The following HIPK2 variants were observed in gnomAD, a reference collection of about 807,000 sequenced individuals.
HIPK2 encodes homeodomain interacting protein kinase 2.
A neutral mutation model predicts 113.7 loss-of-function variants in HIPK2; 27 were observed. The ratio of observed to expected loss-of-function variants is 0.24; its 90% CI spans 0.17 to 0.33. The LOEUF is 0.33. Among genes scored for constraint, HIPK2 ranks in the 10% least tolerant of loss-of-function variants. The pLI is 1.00. For missense variants in HIPK2, 1,257 were observed against 1,588.0 expected, an observed-to-expected ratio of 0.79 and a Z score of 3.54; for synonymous variants, 631 against 642.2, an observed-to-expected ratio of 0.98 and a Z score of 0.26.
At chr7:139,614,584 A>G in intron 7 of HIPK2, 91 bp from the exon 8 acceptor site, 1 of 873,734 alleles carries the variant, frequency 1.1e-6, no homozygotes, top group Non-Finnish European at 1.6e-6. Flanking sequence ...AATCAAATAA[A>G]TGAACTCAAA....
At chr7:139,751,927 G>A (rs370986718) in intron 1 of HIPK2, among the ~76,000 whole-genome samples, 1 of 152,096 alleles carries the variant, frequency 6.6e-6, no homozygotes, top group South Asian at 2.1e-4. Flanking sequence ...ACAGAAGGAA[G>A]GAAGGATGGG....
intron 9 of HIPK2, among the ~76,000 whole-genome samples, chr7:139,607,231 C>T (rs1006395223): frequency 1.1e-4 from 16 of 151,472 alleles, no homozygotes; most frequent in Middle Eastern, 3.4e-3. Flanking sequence ...ATAAGAAAAT[C>T]GGAAGATCAA....
intron 13 of HIPK2, among the ~76,000 whole-genome samples, chr7:139,579,239 G>A (rs1458670662): frequency 1.3e-5 from 2 of 152,162 alleles, no homozygotes; most frequent in Non-Finnish European, 2.9e-5. Flanking sequence ...TGTTTCATAT[G>A]AAGGGAGAGG....
Position 139,716,615 on chromosome 7 carries a change from G to A in HIPK2, c.420C>T (p.Asn140=). The A allele has an allele frequency of 6.2e-7, 1 of 1,614,014 alleles. No homozygotes were observed. The highest frequency in any genetic ancestry group is 2.2e-5 in the East Asian group (1 of 44,886). The change falls in exon 2 of 15, where the codon AAC becomes AAT. Residue 140 remains asparagine (N), a synonymous_variant. Coordinates refer to ENST00000406875, the MANE Select transcript of HIPK2 (RefSeq NM_022740.5). This position sits in a 1 kb window ranked among gnomAD's most constrained non-coding sequence, Gnocchi z 9.3. The part of the protein sequence containing the change: ...GLKRKSEEIE[N]TSSVQIIEEH... ...CCTCGATGATCTGCACGCTGCTTGT[G>A]TTCTCGATCTCCTCGCTCTTACGCT...
chr7:139,581,321 G>A lies in HIPK2; in HGVS notation c.2965+2496C>T, dbSNP rs1025091013. Among the ~76,000 whole-genome samples, 6 of 152,312 alleles carry A rather than the reference G, an allele frequency of 3.9e-5. No individual in the cohort carries two copies. The East Asian group carries it at 7.7e-4, about 20-fold the overall frequency. ...GCCTGGGAGCTGCTGTCGGTGAGTC[G>A]GGTGAAGGCAGCTTCAGAGAGCAGG... is the stretch of plus-strand genomic sequence containing the variant. On this transcript the variant is annotated intron_variant, in intron 13 of 14. Transcript: ENST00000406875.
At chr7:139,601,650 G>A (rs535284016) in intron 10 of HIPK2, among the ~76,000 whole-genome samples, 3 of 152,270 alleles carry the variant, frequency 2.0e-5, no homozygotes, top group Non-Finnish European at 2.9e-5. Flanking sequence ...TCCTAAAAAC[G>A]GGTTATGTTT....
At chr7:139,640,444 C>A (rs1044644614) in intron 2 of HIPK2, among the ~76,000 whole-genome samples, 1 of 152,162 alleles carries the variant, frequency 6.6e-6, no homozygotes, top group Non-Finnish European at 1.5e-5. Context: ...CCAGTGTTCA[C>A]CGGGTTGAAT....
intron 1 of HIPK2, among the ~76,000 whole-genome samples, chr7:139,770,422 T>C (rs1796629388): frequency 6.6e-6 from 1 of 152,230 alleles, no homozygotes; most frequent in South Asian, 2.1e-4. Flanking sequence ...TAGAGCTGGC[T>C]TCTTATCATA....
chr7:139,715,615 C>T (rs1795205500), intron 2 of HIPK2, among the ~76,000 whole-genome samples: 1 of 152,200 alleles, frequency 6.6e-6, no homozygotes, highest in South Asian at 2.1e-4. Flanking sequence ...GTGGATGGCA[C>T]ATCCCTCTCT....
chr7:139,773,073 C>T (rs1340496263), intron 1 of HIPK2, among the ~76,000 whole-genome samples: 4 of 152,078 alleles, frequency 2.6e-5, no homozygotes, highest in Non-Finnish European at 5.9e-5. Context: ...TTCGACAAAC[C>T]CAGAACCTGC....
chr7:139,627,323 TATGTATGTATGTATGC>T (rs1029883781), intron 5 of HIPK2, among the ~76,000 whole-genome samples: 10 of 151,786 alleles, frequency 6.6e-5, no homozygotes, highest in Admixed American at 2.0e-4. Flanking sequence ...TGTATGTATG[TATGTATGTATGTATGC>T]ATGTATTTAA....
At chr7:139,703,879 A>AC (rs1585397439) in intron 2 of HIPK2, among the ~76,000 whole-genome samples, 1,279 of 116,922 alleles carry the variant, frequency 0.011, 84 homozygotes, top group African/African-American at 0.04. Context: ...CAACACCACC[A>AC]CACACACACA....
At chr7:139,754,044 A>G (rs1430859867) in intron 1 of HIPK2, among the ~76,000 whole-genome samples, 1 of 152,234 alleles carries the variant, frequency 6.6e-6, no homozygotes, top group Non-Finnish European at 1.5e-5. Flanking sequence ...GAGCCAGTGC[A>G]CAACACAAAG....
At chr7:139,708,438 C>T (rs1794970293) in intron 2 of HIPK2, among the ~76,000 whole-genome samples, 1 of 152,158 alleles carries the variant, frequency 6.6e-6, no homozygotes, top group African/African-American at 2.4e-5. Context: ...CCCCCACCCC[C>T]AGAGGGCCTG....
intron 2 of HIPK2, among the ~76,000 whole-genome samples, chr7:139,677,577 TA>T (rs762918202): frequency 1.2e-4 from 18 of 152,122 alleles, no homozygotes; most frequent in Non-Finnish European, 2.5e-4. Flanking sequence ...ACTTTTCTAT[TA>T]TTTTTTTTAA....
rs1003107707 is a variant in HIPK2, at chr7:139,678,122, C to A, written c.1103+37810G>T. On this transcript the variant is annotated intron_variant, in intron 2 of 14. Transcript: ENST00000406875. ...TTCTTTGTAGATTCTGGATATTAGC[C>A]CTTTGTCAGATGGATAGATTGCAAA... 1.3e-4 allele frequency among the ~76,000 whole-genome samples: 20 copies of A among 152,074 alleles called. No individual in the cohort carries two copies. In the East Asian group the frequency reaches 3.7e-3, roughly 28 times the overall value.
intron 13 of HIPK2, among the ~76,000 whole-genome samples, chr7:139,576,394 G>A (rs984933369): frequency 2.0e-5 from 3 of 152,210 alleles, no homozygotes; most frequent in African/African-American, 7.2e-5. Flanking sequence ...GGGGGCCCGA[G>A]CACCTGCATT....
At chr7:139,755,051 G>T (rs1338694495) in intron 1 of HIPK2, among the ~76,000 whole-genome samples, 1 of 152,196 alleles carries the variant, frequency 6.6e-6, no homozygotes, top group African/African-American at 2.4e-5. Flanking sequence ...TCCAGCATGG[G>T]GGGGATGCAC....
Position 139,704,051 on chromosome 7 carries a change from A to ACC in HIPK2, c.1103+11880_1103+11881insGG, listed in dbSNP as rs1794803081. Among the ~76,000 whole-genome samples, 3 of 10,932 alleles carry ACC rather than the reference A, an allele frequency of 2.7e-4. 1 individual carries two copies. Among genetic ancestry groups the ACC allele is most frequent in the African/African-American group, 2.6e-4 (2 of 7,628 alleles). 7.2% of individuals were successfully genotyped at this position (10,932 alleles called of 152,430 possible). A position where few individuals can be genotyped will look rare whatever the true frequency, so the allele number is the denominator to read the frequency against. On this transcript the variant is annotated intron_variant, in intron 2 of 14. Transcript: ENST00000406875. ...CACACTATATCCAACATACACACCC[A>ACC]ACACACACACACCCAACACATGCAC...
Sources: allele counts gnomAD v4.1 joint callset (sites outside exome capture counted in the v4.1 genomes callset), GRCh38; gene constraint gnomAD v4.1.1; non-coding constraint Gnocchi (gnomAD v3.1); transcripts MANE v1.5; gene names NCBI Gene and HGNC (gene_info 2026-07-23, HGNC 2026-07-21).